The following KIF26B variants were observed in gnomAD, a reference collection of about 807,000 sequenced individuals.
KIF26B encodes kinesin-like protein KIF26B.
KIF26B carries 63 observed loss-of-function variants against 151.2 expected under a neutral mutation model. That is an observed-to-expected ratio of 0.42 (90% CI 0.34 to 0.51). The LOEUF is 0.51. KIF26B is among the 20% of genes least tolerant of loss of function. KIF26B has a pLI of 0.07. For missense variants in KIF26B, 2,813 were observed against 2,913.6 expected (o/e 0.97, Z 0.79); for synonymous variants, 1,357 against 1,262.1 (o/e 1.08, Z -1.59).
rs1447919243 is a variant in KIF26B, at chr1:245,688,152, C to T, written c.5169C>T (p.Ala1723=). 1 of 1,595,684 alleles carries T rather than the reference C, an allele frequency of 6.3e-7. No individual in the cohort carries two copies. The highest frequency in any genetic ancestry group is 1.7e-5 in the Admixed American group (1 of 59,496). ...SAGTSPPSSG[A]SPKAGQSKIS... is the part of the protein sequence containing the mutation. ...GGACCTCGCCCCCCAGCTCCGGGGC[C>T]TCGCCCAAGGCCGGCCAGTCCAAGA... Residue 1723 remains alanine (A), a synonymous_variant, in exon 12 of 15, where the codon GCC becomes GCT. Coordinates refer to ENST00000407071, the MANE Select transcript of KIF26B (RefSeq NM_018012.4).
At chr1:245,636,205 T>C (rs1280294135) in intron 9 of KIF26B, among the ~76,000 whole-genome samples, 7 of 152,126 alleles carry the variant, frequency 4.6e-5, no homozygotes, top group Admixed American at 4.6e-4. Context: ...GAGATGGGGG[T>C]ATTTGAAATT....
intron 11 of KIF26B, 130 bp from the exon 12 acceptor site, chr1:245,685,275 C>T (rs777392223): frequency 3.3e-5 from 24 of 729,128 alleles, no homozygotes; most frequent in African/African-American, 1.2e-4. Flanking sequence ...GGCCCACGTG[C>T]GGGAGGCCAA....
chr1:245,680,434 G>C (rs1016250111), intron 10 of KIF26B, among the ~76,000 whole-genome samples: 1 of 152,066 alleles, frequency 6.6e-6, no homozygotes, highest in Admixed American at 6.6e-5. Flanking sequence ...TAAAAAAATC[G>C]CCGTAAACAT....
chr1:245,223,947 T>A (rs1027852212), intron 2 of KIF26B, among the ~76,000 whole-genome samples: 1 of 152,210 alleles, frequency 6.6e-6, no homozygotes, highest in East Asian at 1.9e-4. Context: ...AGAACAGATG[T>A]GCATCTTTTT....
intron 4 of KIF26B, among the ~76,000 whole-genome samples, chr1:245,446,287 A>G (rs1048893308): frequency 7.2e-5 from 11 of 152,212 alleles, no homozygotes; most frequent in African/African-American, 2.2e-4. Flanking sequence ...CTTGGGGACT[A>G]CAGTTGTGCA....
At chr1:245,274,712 T>C (rs1445728874) in intron 2 of KIF26B, among the ~76,000 whole-genome samples, 2 of 152,232 alleles carry the variant, frequency 1.3e-5, no homozygotes, top group African/African-American at 2.4e-5. Flanking sequence ...GTCTTTATAG[T>C]AGAATGATTT....
chr1:245,482,488 A>C (rs1309166198), intron 4 of KIF26B, among the ~76,000 whole-genome samples: 1 of 151,864 alleles, frequency 6.6e-6, no homozygotes, highest in African/African-American at 2.4e-5. Context: ...TTATATGATA[A>C]CACAAAGGAC....
At chr1:245,232,551 GTT>G (rs58620865) in intron 2 of KIF26B, among the ~76,000 whole-genome samples, 8 of 131,754 alleles carry the variant, frequency 6.1e-5, no homozygotes, top group East Asian at 2.2e-4. Context: ...GGTTTCATTT[GTT>G]TTTTTTTTTT....
chr1:245,160,767 G>C (rs1668518268), intron 2 of KIF26B, among the ~76,000 whole-genome samples: 1 of 152,142 alleles, frequency 6.6e-6, no homozygotes, highest in African/African-American at 2.4e-5. Flanking sequence ...TACTGAGAAG[G>C]GTGGCCAGGA....
chr1:245,163,211 G>A (rs1280166195), intron 2 of KIF26B, among the ~76,000 whole-genome samples: 2 of 151,978 alleles, frequency 1.3e-5, no homozygotes, highest in Non-Finnish European at 2.9e-5. Flanking sequence ...GCACAATCTC[G>A]GCTCACTGCA....
chr1:245,408,647 G>T (rs4658457), intron 3 of KIF26B, among the ~76,000 whole-genome samples: 2 of 152,028 alleles, frequency 1.3e-5, no homozygotes, highest in African/African-American at 4.8e-5. Context: ...GAGCCACCGC[G>T]TCCGGCCCCA....
chr1:245,365,601 G>T (rs146468498), intron 2 of KIF26B, among the ~76,000 whole-genome samples: 1 of 151,902 alleles, frequency 6.6e-6, no homozygotes, highest in African/African-American at 2.4e-5. Context: ...TTTCCGAAGG[G>T]CAGATTTTCT....
At chr1:245,210,508 CTT>C (rs35803033) in intron 2 of KIF26B, among the ~76,000 whole-genome samples, 2,835 of 129,722 alleles carry the variant, frequency 0.022, 82 homozygotes, top group African/African-American at 0.068. Flanking sequence ...ATATCCTAAG[CTT>C]TTTTTTTTTT....
intron 2 of KIF26B, among the ~76,000 whole-genome samples, chr1:245,160,407 A>C (rs1668512671): frequency 6.6e-6 from 1 of 152,158 alleles, no homozygotes. Flanking sequence ...CAATGGCAAG[A>C]GCATCTTTCC....
At chr1:245,221,119 A>C (rs1157623101) in intron 2 of KIF26B, among the ~76,000 whole-genome samples, 66 of 152,116 alleles carry the variant, frequency 4.3e-4, no homozygotes. Flanking sequence ...TTAATGGGAA[A>C]TGAGTTTTTT....
At chr1:245,265,576 G>A (rs1445238974) in intron 2 of KIF26B, among the ~76,000 whole-genome samples, 1 of 150,950 alleles carries the variant, frequency 6.6e-6, no homozygotes, top group Non-Finnish European at 1.5e-5. Flanking sequence ...CATGAGTGGT[G>A]TAGAGAATGA....
rs1362873134 is a variant in KIF26B at position 245,166,302 on chromosome 1, T to A, written c.465+9619T>A. ...TTCCTTCCTTTTTTCCTTCCTTCCTTCCATCTGACACGAAAATGGAGAAAC... is the reference window on the plus strand; with the variant it reads ...TTCCTTCCTTTTTTCCTTCCTTCCTACCATCTGACACGAAAATGGAGAAAC... On this transcript the variant is annotated intron_variant, in intron 2 of 14. Transcript: ENST00000407071. This position sits in a 1 kb window ranked among gnomAD's most constrained non-coding sequence, Gnocchi z 4.5. Among the ~76,000 whole-genome samples, 2 of 152,126 alleles carry A rather than the reference T, an allele frequency of 1.3e-5. No individual in the cohort carries two copies. The highest frequency in any genetic ancestry group is 4.8e-5 in the African/African-American group (2 of 41,420).
At chr1:245,363,915 A>G (rs1672878857) in intron 2 of KIF26B, among the ~76,000 whole-genome samples, 1 of 152,120 alleles carries the variant, frequency 6.6e-6, no homozygotes, top group Admixed American at 6.5e-5. Context: ...CTGTGAGTGG[A>G]GGACAGCTGT....
At chr1:245,181,409 C>T (rs1668904386) in intron 2 of KIF26B, among the ~76,000 whole-genome samples, 1 of 151,838 alleles carries the variant, frequency 6.6e-6, no homozygotes, top group South Asian at 2.1e-4. Context: ...TGCCAATTTA[C>T]TACAGAGGCT....
Sources: gnomAD v4.1 joint callset for allele counts (sites outside exome capture counted in the v4.1 genomes callset) on GRCh38, gnomAD v4.1.1 for gene constraint, Gnocchi (gnomAD v3.1) non-coding constraint, MANE v1.5 for transcripts, NCBI Gene and HGNC (gene_info 2026-07-23, HGNC 2026-07-21) for gene names.